The following ITPR3 variants were observed in gnomAD, a reference collection of about 807,000 sequenced individuals.
The protein encoded by ITPR3 is inositol 1,4,5-trisphosphate receptor type 3.
ITPR3 carries 173 observed loss-of-function variants against 293.2 expected under a neutral mutation model. The ratio of observed to expected loss-of-function variants is 0.59; its 90% CI spans 0.52 to 0.67. The LOEUF is 0.67. ITPR3 is among the 30% of genes least tolerant of loss of function. The pLI, the probability that ITPR3 is intolerant of heterozygous loss-of-function variation, is 0.00. For missense variants in ITPR3, 2,796 were observed against 3,592.1 expected (o/e 0.78, Z 5.66); for synonymous variants, 1,295 against 1,444.4 (o/e 0.90, Z 2.35).
Position 33,688,227 on chromosome 6 carries a change from G to C in ITPR3, c.6376-12G>C. On this transcript the variant is annotated splice_polypyrimidine_tract_variant and intron_variant, in intron 47 of 57. Coordinates refer to ENST00000605930, the MANE Select transcript of ITPR3 (RefSeq NM_002224.4). ...CCTGCGCCGGGCGTGACCATGTGCT[G>C]TGTGTGCTCAGATTGTGCGGCAGGA... 6.2e-7 allele frequency: 1 copy of C among 1,614,174 alleles called. No homozygotes were observed. The highest frequency in any genetic ancestry group is 8.5e-7 in the Non-Finnish European group (1 of 1,180,026).
chr6:33,688,641 T>C lies in ITPR3; in HGVS notation c.6569-15T>C. On this transcript the variant is annotated splice_polypyrimidine_tract_variant and intron_variant, in intron 48 of 57. Transcript: ENST00000605930. Reference sequence around the variant, plus strand: ...CCAGGGCCCTCCAGCAGCTCACCGTTGCCCTCCTCTTCAGGCATGCCGCTG... The same window carrying C: ...CCAGGGCCCTCCAGCAGCTCACCGTCGCCCTCCTCTTCAGGCATGCCGCTG... 6.2e-7 allele frequency: 1 copy of C among 1,613,912 alleles called. No individual in the cohort carries two copies. The highest frequency in any genetic ancestry group is 8.5e-7 in the Non-Finnish European group (1 of 1,179,920).
chr6:33,669,805 A>T (rs1437198530), intron 18 of ITPR3, among the ~76,000 whole-genome samples: 1 of 152,238 alleles, frequency 6.6e-6, no homozygotes, highest in East Asian at 1.9e-4. Context: ...TTACACAGCC[A>T]TCAGTAGAGA....
chr6:33,695,055 C>A lies in ITPR3; in HGVS notation c.7917C>A (p.Leu2639=), dbSNP rs373074344. Residue 2639 remains leucine (L), a synonymous_variant, in exon 57 of 58, where the codon CTC becomes CTA. Coordinates refer to ENST00000605930, the MANE Select transcript of ITPR3 (RefSeq NM_002224.4). ...LNSTMKLVSH[L]TAQLNELKEQ... ...CCACCATGAAGCTGGTGTCCCACCTCACTGCCCAGCTCAACGAGCTCAAGG... is the reference window on the plus strand; with the variant it reads ...CCACCATGAAGCTGGTGTCCCACCTAACTGCCCAGCTCAACGAGCTCAAGG... 3 of 1,613,916 alleles carry A rather than the reference C, an allele frequency of 1.9e-6. No homozygotes were observed. Among genetic ancestry groups the A allele is most frequent in the African/African-American group, 2.7e-5 (2 of 74,922 alleles).
At chr6:33,660,358 G>A (rs1430098100) in intron 7 of ITPR3, among the ~76,000 whole-genome samples, 1 of 151,916 alleles carries the variant, frequency 6.6e-6, no homozygotes, top group African/African-American at 2.4e-5. Context: ...CTCCCTGCTC[G>A]GAAGCTGCAA....
Position 33,658,620 on chromosome 6 carries a change from G to A in ITPR3, c.370-50G>A, listed in dbSNP as rs1351949544. On this transcript the variant is annotated intron_variant, in intron 4 of 57. Transcript: ENST00000605930. This position sits in a 1 kb window ranked among gnomAD's most constrained non-coding sequence, Gnocchi z 6.1. ...ATCCCCCCATATCCCCTCCCTAATG[G>A]GCCGACTCCTGTGGCGCGGTGACCT... 6.2e-7 allele frequency: 1 copy of A among 1,602,276 alleles called. No individual in the cohort carries two copies. Among genetic ancestry groups the A allele is most frequent in the Admixed American group, 1.7e-5 (1 of 59,420 alleles).
intron 3 of ITPR3, among the ~76,000 whole-genome samples, chr6:33,656,680 C>T (rs562468975): frequency 3.2e-4 from 48 of 152,250 alleles, no homozygotes; most frequent in African/African-American, 1.1e-3. Flanking sequence ...GGGCAGATCT[C>T]GGGGTCCCAA....
Position 33,691,178 on chromosome 6 carries a change from A to G in ITPR3, c.7225+69A>G. The G allele has an allele frequency of 6.8e-7, 1 of 1,478,822 alleles. No homozygotes were observed. Among genetic ancestry groups the G allele is most frequent in the Non-Finnish European group, 9.4e-7 (1 of 1,065,830 alleles). 91.6% of individuals were successfully genotyped at this position (1,478,822 alleles called of 1,614,324 possible). A position where few individuals can be genotyped will look rare whatever the true frequency, so the allele number is the denominator to read the frequency against. On this transcript the variant is annotated intron_variant, in intron 52 of 57. Transcript: ENST00000605930. The surrounding 1 kb of genome is among the most constrained non-coding windows in gnomAD (Gnocchi z 4.9). The stretch of plus-strand genomic sequence containing the variant: ...TTGGGTCTCACAAATGTCTGGCGTC[A>G]GGACCAGGACCTGCAGCGCTTACCT...
intron 48 of ITPR3, 58 bp from the exon 49 acceptor site, chr6:33,688,598 A>G: frequency 6.2e-7 from 1 of 1,604,992 alleles, no homozygotes; most frequent in Non-Finnish European, 8.5e-7. Context: ...CCCACATGCA[A>G]GGGGCAGGGG....
Position 33,621,774 on chromosome 6 carries a change from G to A in ITPR3, c.89+83G>A. On this transcript the variant is annotated intron_variant, in intron 1 of 57. Transcript: ENST00000605930. The surrounding 1 kb of genome is among the most constrained non-coding windows in gnomAD (Gnocchi z 7.7). ...TGCCAGCTGCGTGCGTCCAGCCGCC[G>A]CCCCCCGATAGAGGCCTGGACGTCC... The A allele has an allele frequency of 2.9e-6, 3 of 1,039,478 alleles. No individual in the cohort carries two copies. Among genetic ancestry groups the A allele is most frequent in the Non-Finnish European group, 4.4e-6 (3 of 689,588 alleles). The allele number at this position is 1,039,478 out of a possible 1,614,324, so 64.4% of individuals were successfully genotyped here. A position where few individuals can be genotyped will look rare whatever the true frequency, so the allele number is the denominator to read the frequency against.
chr6:33,662,946 G>A lies in ITPR3; in HGVS notation c.894G>A (p.Gly298=). ...ACGACCCCTGCCGTGGAGGAGCTGG[G>A]CACTGGAATGGCTTGTACCGCTTCA... ...VHHDPCRGGA[G]HWNGLYRFKH... Residue 298 remains glycine (G), a synonymous_variant, in exon 9 of 58, where the codon GGG becomes GGA. Coordinates refer to ENST00000605930, the MANE Select transcript of ITPR3 (RefSeq NM_002224.4). 2 of 1,605,216 alleles carry A rather than the reference G, an allele frequency of 1.2e-6. No homozygotes were observed. The highest frequency in any genetic ancestry group is 1.7e-6 in the Non-Finnish European group (2 of 1,175,456).
At chr6:33,681,142 G>A (rs751170638) in intron 33 of ITPR3, among the ~76,000 whole-genome samples, 39 of 152,116 alleles carry the variant, frequency 2.6e-4, no homozygotes, top group Non-Finnish European at 4.6e-4. Context: ...TATCTATACC[G>A]TGTTAACAAA....
rs1397700054 is a variant in ITPR3 at position 33,691,168 on chromosome 6, G to A, written c.7225+59G>A. On this transcript the variant is annotated intron_variant, in intron 52 of 57. Transcript: ENST00000605930. This position sits in a 1 kb window ranked among gnomAD's most constrained non-coding sequence, Gnocchi z 4.9. ...GGGAATGAGGTTGGGTCTCACAAAT[G>A]TCTGGCGTCAGGACCAGGACCTGCA... is the stretch of plus-strand genomic sequence containing the variant. 1 of 1,556,752 alleles carries A rather than the reference G, an allele frequency of 6.4e-7. No individual in the cohort carries two copies. The highest frequency in any genetic ancestry group is 8.8e-7 in the Non-Finnish European group (1 of 1,132,546).
In ITPR3 at chr6:33,675,685, C is replaced by T. The variant is rs756782089; in HGVS notation, c.3117-6C>T. On this transcript the variant is annotated splice_region_variant and splice_polypyrimidine_tract_variant and intron_variant, in intron 24 of 57. Transcript: ENST00000605930. The surrounding 1 kb of genome is among the most constrained non-coding windows in gnomAD (Gnocchi z 5.0). ...ACCCATGCGCCCTGCACCCTTGTGC[C>T]CGCAGGAAGACAAGCAGCATGCTGG... is the stretch of plus-strand genomic sequence containing the variant. 1 of 1,593,182 alleles carries T rather than the reference C, an allele frequency of 6.3e-7. No homozygotes were observed. The highest frequency in any genetic ancestry group is 1.1e-5 in the South Asian group (1 of 87,302).
In ITPR3 at chr6:33,665,876, G is replaced by T; in HGVS notation, c.1451G>T (p.Ser484Ile). 6.2e-7 allele frequency: 1 copy of T among 1,614,188 alleles called. No homozygotes were observed. Reference protein sequence around the residue: ...QLLEDLVFFVSDVPNNGQNVL... With the variant: ...QLLEDLVFFVIDVPNNGQNVL... ...CTGGAAGACCTGGTGTTCTTTGTCA[G>T]CGATGTCCCCAACAATGGGCAGAAT... is the stretch of plus-strand genomic sequence containing the variant. The change falls in exon 14 of 58, where the codon AGC (serine) becomes ATC (isoleucine). Residue 484 changes from serine (S) to isoleucine (I), a missense_variant. Physicochemically the swap from Ser to Ile is moderately radical, Grantham distance 142. Around this residue, in one of 8 missense-constraint regions of ITPR3, gnomAD observed 955 missense variants for 1,180.8 expected, o/e 0.81. Transcript: ENST00000605930.
intron 1 of ITPR3, among the ~76,000 whole-genome samples, chr6:33,629,991 T>C (rs1261665281): frequency 6.6e-6 from 1 of 152,046 alleles, no homozygotes; most frequent in Admixed American, 6.5e-5. Flanking sequence ...CTCGGGAGGC[T>C]GAGGCAGGAG....
intron 49 of ITPR3, 83 bp downstream of exon 49, chr6:33,688,864 TG>T: frequency 6.3e-7 from 1 of 1,587,084 alleles, no homozygotes. Flanking sequence ...TGAGGCCAGC[TG>T]GCCTCTGAGG....
intron 48 of ITPR3, 44 bp from the exon 49 acceptor site, chr6:33,688,612 C>T (rs1237918291): frequency 6.2e-7 from 1 of 1,610,750 alleles, no homozygotes; most frequent in Non-Finnish European, 8.5e-7. Flanking sequence ...GCAGGGGGTG[C>T]TCACCAGGGC....
chr6:33,680,112 G>C lies in ITPR3; in HGVS notation c.4203G>C (p.Thr1401=). Residue 1401 remains threonine, a synonymous_variant, in exon 31 of 58, where the codon ACG becomes ACC. Coordinates refer to ENST00000605930, the MANE Select transcript of ITPR3 (RefSeq NM_002224.4). The part of the protein sequence containing the change: ...LPLEDVVSVV[T]HEDCITEVKM... ...TGGAGGACGTGGTGTCTGTGGTGAC[G>C]CATGAGGACTGCATCACTGAGGTGG... 6.2e-7 allele frequency: 1 copy of C among 1,613,482 alleles called. No homozygotes were observed. Among genetic ancestry groups the C allele is most frequent in the South Asian group, 1.1e-5 (1 of 91,072 alleles).
chr6:33,673,774 A>C (rs1764833222), intron 23 of ITPR3, 54 bp downstream of exon 23: 12 of 1,597,356 alleles, frequency 7.5e-6, no homozygotes, highest in Non-Finnish European at 1.0e-5. Flanking sequence ...CCAGGGATAC[A>C]CAGCAGTGGG....
Sources: gnomAD v4.1 joint callset for allele counts (sites outside exome capture counted in the v4.1 genomes callset) on GRCh38, gnomAD v4.1.1 for gene constraint, gnomAD v4.1.1 regional missense constraint, Gnocchi (gnomAD v3.1) non-coding constraint, MANE v1.5 for transcripts, NCBI Gene and HGNC (gene_info 2026-07-23, HGNC 2026-07-21) for gene names.